NDUFAF7: variants seen among roughly 807,000 people sequenced by gnomAD.
NDUFAF7 encodes the protein NADH:ubiquinone oxidoreductase complex assembly factor 7, also known as protein arginine methyltransferase NDUFAF7, mitochondrial.
NDUFAF7 carries 48 observed loss-of-function variants against 47.2 expected under a neutral mutation model. The ratio of observed to expected loss-of-function variants is 1.02; its 90% CI spans 0.81 to 1.29. The LOEUF (loss-of-function observed/expected upper bound fraction) is 1.29, where lower values mean the gene tolerates loss of function less well. Among genes scored for constraint, NDUFAF7 ranks in the 50% most tolerant of loss-of-function variants. The pLI, the probability that NDUFAF7 is intolerant of heterozygous loss-of-function variation, is 0.00. For synonymous variants in NDUFAF7, 217 were observed against 190.0 expected (o/e 1.14, Z -1.17); for missense variants, 635 against 537.6 (o/e 1.18, Z -1.79).
At chr2:37,247,688 T>G in intron 9 of NDUFAF7, 59 bp downstream of exon 9, 1 of 1,580,556 alleles carries the variant, frequency 6.3e-7, no homozygotes, top group South Asian at 1.1e-5. Flanking sequence ...AAAAATTACT[T>G]TAAATAGTAT....
chr2:37,255,348 A>G (rs1450197957), downstream of NDUFAF7, among the ~76,000 whole-genome samples: 2 of 152,202 alleles, frequency 1.3e-5, no homozygotes, highest in Non-Finnish European at 2.9e-5. Context: ...GGGCTGGTTA[A>G]ATCCAGATGG....
downstream of NDUFAF7, among the ~76,000 whole-genome samples, chr2:37,255,938 C>T (rs1239338138): frequency 3.9e-5 from 6 of 152,066 alleles, no homozygotes; most frequent in African/African-American, 1.4e-4. Context: ...CACTTGAGCC[C>T]AGGAAGTCGA....
Position 37,246,073 on chromosome 2 carries a change from G to A in NDUFAF7, c.814G>A (p.Val272Ile). Residue 272 changes from valine to isoleucine, a missense_variant, in exon 8 of 10, where the codon GTT becomes ATT. Physicochemically the swap from Val to Ile is conservative, Grantham distance 29. Coordinates refer to ENST00000002125, the MANE Select transcript of NDUFAF7 (RefSeq NM_144736.5). ...CTAGCATGACGAAACAAGGGATCAT[G>A]TTGAAGTGTGTCCTGATGCTGGTGT... ...FIQHDETRDH[V>I]EVCPDAGVII... 1 of 1,613,914 alleles carries A rather than the reference G, an allele frequency of 6.2e-7. No individual in the cohort carries two copies. The highest frequency in any genetic ancestry group is 8.5e-7 in the Non-Finnish European group (1 of 1,179,862).
chr2:37,243,851 T>C lies in NDUFAF7; in HGVS notation c.682-12T>C, dbSNP rs372670728. 318 of 1,612,130 alleles carry C rather than the reference T, an allele frequency of 2.0e-4. No individual in the cohort carries two copies. Among genetic ancestry groups the C allele is most frequent in the Non-Finnish European group, 2.5e-4 (299 of 1,178,572 alleles). ...TGCAAAAATTTGTTTTTATGTGTTA[T>C]TTTGTGTTTAGAAAACACCACAGGG... On this transcript the variant is annotated splice_polypyrimidine_tract_variant and intron_variant, in intron 6 of 9. Transcript: ENST00000002125.
chr2:37,248,065 T>C (rs1667111512), intron 9 of NDUFAF7, 70 bp from the exon 10 acceptor site: 4 of 1,201,476 alleles, frequency 3.3e-6, no homozygotes, highest in Non-Finnish European at 4.8e-6. Flanking sequence ...TTGAGAGTCA[T>C]TAGTATTGCT....
At chr2:37,256,812 G>A (rs750199145), downstream of NDUFAF7, 5 of 1,613,866 alleles carry the variant, frequency 3.1e-6, no homozygotes, top group Admixed American at 1.7e-5. Flanking sequence ...TCTAGGGAAC[G>A]GTTGTAACCT....
the NDUFAF7 span, among the ~76,000 whole-genome samples, chr2:37,261,851 G>A: frequency 3.3e-5 from 5 of 151,984 alleles, no homozygotes; most frequent in African/African-American, 1.2e-4. Flanking sequence ...CTGTAGAATG[G>A]TACAAAAGTG....
chr2:37,271,245 G>A, the NDUFAF7 span, among the ~76,000 whole-genome samples: 6,224 of 152,052 alleles, frequency 0.041, 418 homozygotes, highest in African/African-American at 0.14. Flanking sequence ...CTCTAGTCCA[G>A]GGGTTAGCAA....
the NDUFAF7 span, among the ~76,000 whole-genome samples, chr2:37,266,852 G>A: frequency 2.1e-3 from 315 of 152,124 alleles, no homozygotes; most frequent in African/African-American, 7.2e-3. Flanking sequence ...ACGTACATTT[G>A]CATATTATAA....
At chr2:37,255,562 C>T (rs908616497), downstream of NDUFAF7, among the ~76,000 whole-genome samples, 1 of 152,052 alleles carries the variant, frequency 6.6e-6, no homozygotes, top group African/African-American at 2.4e-5. Context: ...CAGCAGAGGT[C>T]CACAGGAGAG....
At chr2:37,257,666 C>CAAA (rs1491483662), downstream of NDUFAF7, among the ~76,000 whole-genome samples, 348 of 62,386 alleles carry the variant, frequency 5.6e-3, 18 homozygotes, top group East Asian at 0.038. Flanking sequence ...GACTCTGTCT[C>CAAA]AAAAGAAAAA....
the NDUFAF7 span, among the ~76,000 whole-genome samples, chr2:37,261,826 C>T: frequency 6.6e-6 from 1 of 152,198 alleles, no homozygotes; most frequent in Non-Finnish European, 1.5e-5. Flanking sequence ...AATGGTTCAA[C>T]TTACAATTTT....
chr2:37,244,513 T>C (rs1257810775), intron 7 of NDUFAF7, among the ~76,000 whole-genome samples: 1 of 152,198 alleles, frequency 6.6e-6, no homozygotes, highest in African/African-American at 2.4e-5. Flanking sequence ...ACTACTGCTT[T>C]CTGTTGATCT....
downstream of NDUFAF7, among the ~76,000 whole-genome samples, chr2:37,255,375 T>C (rs1667852435): frequency 6.6e-6 from 1 of 152,234 alleles, no homozygotes; most frequent in South Asian, 2.1e-4. Context: ...TCCCCAGCAC[T>C]GGTTCTATTA....
chr2:37,245,975 GGAAAAACCT>G lies in NDUFAF7; in HGVS notation c.793-68_793-60del, dbSNP rs750928091. 5.3e-6 allele frequency: 8 copies of G among 1,509,016 alleles called. No individual in the cohort carries two copies. In the Admixed American group the frequency reaches 1.1e-4, roughly 20 times the overall value. The allele number at this position is 1,509,016 out of a possible 1,614,324, so 93.5% of individuals were successfully genotyped here. ...ATTAAAACTAAGAAATGCTCATTGA[GGAAAAACCT>G]GAAAAACCGTAAGGAAGTCATTCTT... On this transcript the variant is annotated intron_variant, in intron 7 of 9. Transcript: ENST00000002125.
downstream of NDUFAF7, chr2:37,252,933 C>G (rs1378600073): frequency 1.0e-5 from 3 of 290,244 alleles, no homozygotes; most frequent in Non-Finnish European, 1.9e-5. Flanking sequence ...AAATACAAAA[C>G]CAGTTATTGC....
Position 37,238,888 on chromosome 2 carries a change from A to G in NDUFAF7, c.408+1021A>G, listed in dbSNP as rs185570729. Among the ~76,000 whole-genome samples, 47 of 148,200 alleles carry G rather than the reference A, an allele frequency of 3.2e-4. No individual in the cohort carries two copies. The South Asian group carries it at 5.3e-3, about 17-fold the overall frequency. On this transcript the variant is annotated intron_variant, in intron 4 of 9. Coordinates refer to ENST00000002125, the MANE Select transcript of NDUFAF7 (RefSeq NM_144736.5). ...AAGTCCATTCATAAAAGAGGAAAAT[A>G]CAAACGGCTAAAAAAGCAAAAAAAA...
chr2:37,263,687 G>T, the NDUFAF7 span, among the ~76,000 whole-genome samples: 1 of 152,086 alleles, frequency 6.6e-6, no homozygotes, highest in Non-Finnish European at 1.5e-5. Flanking sequence ...TTTTTGTTTG[G>T]AGAAGGGACC....
chr2:37,266,094 T>C, the NDUFAF7 span, among the ~76,000 whole-genome samples: 8 of 152,326 alleles, frequency 5.3e-5, no homozygotes, highest in East Asian at 1.5e-3. Context: ...TATTTAAAGG[T>C]AGCTTTATAG....
Sources: allele counts gnomAD v4.1 joint callset (sites outside exome capture counted in the v4.1 genomes callset), GRCh38; gene constraint gnomAD v4.1.1; transcripts MANE v1.5; gene names NCBI Gene and HGNC (gene_info 2026-07-23, HGNC 2026-07-21).